Variants in ZBTB4 observed in about 807,000 individuals in gnomAD.
The protein encoded by ZBTB4 is zinc finger and BTB domain containing 4.
ZBTB4 carries 14 observed loss-of-function variants against 59.8 expected under a neutral mutation model. That is an observed-to-expected ratio of 0.23 (90% confidence interval 0.15 to 0.37). ZBTB4 has a LOEUF of 0.37. ZBTB4 is among the 10% of genes least tolerant of loss of function. The pLI, the probability that ZBTB4 is intolerant of heterozygous loss-of-function variation, is 1.00. For synonymous variants in ZBTB4, 587 were observed against 575.2 expected, an observed-to-expected ratio of 1.02 and a Z score of -0.29; for missense variants, 1,198 against 1,380.8, an observed-to-expected ratio of 0.87 and a Z score of 2.10.
Position 7,459,756 on chromosome 17 carries a change from T to G in ZBTB4, c.*2184A>C, listed in dbSNP as rs923548020. On this transcript the variant is annotated 3_prime_UTR_variant, in exon 4 of 4. Coordinates refer to ENST00000380599, the MANE Select transcript of ZBTB4 (RefSeq NM_001128833.2). ...GAACCACCACATTCTGGAAGCTATTTTCCTTGATCATATTTAAGAAAAAAA... is the reference window on the plus strand; with the variant it reads ...GAACCACCACATTCTGGAAGCTATTGTCCTTGATCATATTTAAGAAAAAAA... 1.3e-5 allele frequency: 2 copies of G among 152,586 alleles called. No homozygotes were observed. The highest frequency in any genetic ancestry group is 4.8e-5 in the African/African-American group (2 of 41,418). The allele number at this position is 152,586 out of a possible 1,614,324, so 9.5% of individuals were successfully genotyped here. A position where few individuals can be genotyped will look rare whatever the true frequency, so the allele number is the denominator to read the frequency against.
chr17:7,468,344 G>A (rs1235269097), intron 1 of ZBTB4, among the ~76,000 whole-genome samples: 1 of 152,024 alleles, frequency 6.6e-6, no homozygotes, highest in Non-Finnish European at 1.5e-5. Flanking sequence ...CTGCACTCCA[G>A]CCTGGGCAAC....
rs1205151715 is a variant in ZBTB4, at chr17:7,461,819, C to A, written c.*121G>T. 4 of 870,416 alleles carry A rather than the reference C, an allele frequency of 4.6e-6. No individual in the cohort carries two copies. Among genetic ancestry groups the A allele is most frequent in the Middle Eastern group, 3.2e-4 (1 of 3,108 alleles). 53.9% of individuals were successfully genotyped at this position (870,416 alleles called of 1,614,324 possible). ...AGCCTGACCCCTGAGCTCCAGGGGC[C>A]CCCAAGTCCCTGCACAAGAGTGTGA... On this transcript the variant is annotated 3_prime_UTR_variant, in exon 4 of 4. Coordinates refer to ENST00000380599, the MANE Select transcript of ZBTB4 (RefSeq NM_001128833.2).
chr17:7,478,749 C>T (rs2070303046), intron 1 of ZBTB4, among the ~76,000 whole-genome samples: 1 of 152,224 alleles, frequency 6.6e-6, no homozygotes, highest in Admixed American at 6.5e-5. Context: ...CATCTGTCAC[C>T]CAAAGCCACA....
intron 1 of ZBTB4, among the ~76,000 whole-genome samples, chr17:7,470,231 C>G (rs2070181476): frequency 6.6e-6 from 1 of 151,860 alleles, no homozygotes; most frequent in Non-Finnish European, 1.5e-5. Context: ...AACCTGGTCT[C>G]TACAAAAAAT....
chr17:7,481,283 T>C, upstream of ZBTB4: 1 of 470,272 alleles, frequency 2.1e-6, no homozygotes, highest in Non-Finnish European at 3.3e-6. Flanking sequence ...TGAGATGAGA[T>C]CACACCATTG....
rs922988655 is a variant in ZBTB4, at chr17:7,466,703, G to A, written c.99C>T (p.Thr33=). The change falls in exon 3 of 4, where the codon ACC becomes ACT. Residue 33 remains threonine (T), a synonymous_variant. Transcript: ENST00000380599. This position sits in a 1 kb window ranked among gnomAD's most constrained non-coding sequence, Gnocchi z 9.1. Reference sequence around the variant, plus strand: ...GGAACTTGGTGTCTCCGGCTATGAGGGTGACGTCACAGAAGAGGCCACGGA... The same window carrying A: ...GGAACTTGGTGTCTCCGGCTATGAGAGTGACGTCACAGAAGAGGCCACGGA... ...QRLRGLFCDV[T]LIAGDTKFPA... The A allele has an allele frequency of 1.2e-6, 2 of 1,608,940 alleles. No homozygotes were observed. The highest frequency in any genetic ancestry group is 1.3e-5 in the African/African-American group (1 of 74,978).
intron 1 of ZBTB4, among the ~76,000 whole-genome samples, chr17:7,478,291 C>T (rs1290411285): frequency 6.6e-6 from 1 of 152,168 alleles, no homozygotes; most frequent in Non-Finnish European, 1.5e-5. Flanking sequence ...ACACAACTGG[C>T]GCATTCCACC....
At chr17:7,475,908 A>G (rs1047257411) in intron 1 of ZBTB4, among the ~76,000 whole-genome samples, 1 of 152,190 alleles carries the variant, frequency 6.6e-6, no homozygotes, top group African/African-American at 2.4e-5. Flanking sequence ...GAAGAGGCCT[A>G]TGGCCCGCCA....
At position 7,463,902 on chromosome 17, in the gene ZBTB4, C is replaced by A. The variant is rs748909345; in HGVS notation, c.1092-12G>T. ...AGATGCACTGGTACCTGGGTCAGGA[C>A]AGCAGGGAATAGGGCAGGAACACAG... On this transcript the variant is annotated splice_polypyrimidine_tract_variant and intron_variant, in intron 3 of 3. Transcript: ENST00000380599. 1 of 1,608,476 alleles carries A rather than the reference C, an allele frequency of 6.2e-7. No homozygotes were observed. Among genetic ancestry groups the A allele is most frequent in the South Asian group, 1.1e-5 (1 of 90,358 alleles).
rs753390026 is a variant in ZBTB4, at chr17:7,465,847, C to T, written c.955G>A (p.Val319Met). ...YVCAACERSYVTLSSLKRHSN... is the reference protein window; with the variant it reads ...YVCAACERSYMTLSSLKRHSN... ...TGTCTCTTCAGACTGGACAGGGTCA[C>T]GTAGGAACGCTCGCAGGCCGCGCAC... Residue 319 changes from valine (V) to methionine (M), a missense_variant, in exon 3 of 4, where the codon GTG becomes ATG. By Grantham distance (21) the Val-to-Met change is conservative. Transcript: ENST00000380599. 5 of 1,614,202 alleles carry T rather than the reference C, an allele frequency of 3.1e-6. No homozygotes were observed. Among genetic ancestry groups the T allele is most frequent in the East Asian group, 2.2e-5 (1 of 44,882 alleles).
rs577987066 is a variant in ZBTB4, at chr17:7,460,200, C to G, written c.*1740G>C. The G allele has an allele frequency of 6.6e-6, 1 of 152,472 alleles. No homozygotes were observed. Among genetic ancestry groups the G allele is most frequent in the Non-Finnish European group, 1.5e-5 (1 of 68,016 alleles). The allele number at this position is 152,472 out of a possible 1,614,324, so 9.4% of individuals were successfully genotyped here. On this transcript the variant is annotated 3_prime_UTR_variant, in exon 4 of 4. Coordinates refer to ENST00000380599, the MANE Select transcript of ZBTB4 (RefSeq NM_001128833.2). Reference sequence around the variant, plus strand: ...TACATTCAGTAGGAAATTCGTCACTCAGGCTGTGGCCAAGACCAAGAAAAG... The same window carrying G: ...TACATTCAGTAGGAAATTCGTCACTGAGGCTGTGGCCAAGACCAAGAAAAG...
At chr17:7,483,075 G>T (rs1021770918), upstream of ZBTB4, 17 of 1,596,430 alleles carry the variant, frequency 1.1e-5, no homozygotes, top group Non-Finnish European at 1.5e-5. Context: ...AAACATGGGA[G>T]GAGAAGTGAC....
In ZBTB4 at chr17:7,465,889, C is replaced by A; in HGVS notation, c.913G>T (p.Gly305Cys). Residue 305 changes from glycine (G) to cysteine (C), a missense_variant, in exon 3 of 4, where the codon GGC becomes TGC. Physicochemically the swap from Gly to Cys is radical, Grantham distance 159 (BLOSUM62 -3). Transcript: ENST00000380599. ...GPEHVVKVVG[G>C]HVLYVCAACE... ...GCCGCGCACACATACAGCACGTGGC[C>A]GCCCACCACCTTCACCACGTGCTCG... 1 of 1,613,564 alleles carries A rather than the reference C, an allele frequency of 6.2e-7. No individual in the cohort carries two copies. The highest frequency in any genetic ancestry group is 8.5e-7 in the Non-Finnish European group (1 of 1,179,604).
At position 7,463,298 on chromosome 17, in the gene ZBTB4, G is replaced by C. The variant is rs1195159497; in HGVS notation, c.1684C>G (p.Pro562Ala). 8 of 1,610,404 alleles carry C rather than the reference G, an allele frequency of 5.0e-6. No individual in the cohort carries two copies. The highest frequency in any genetic ancestry group is 6.8e-6 in the Non-Finnish European group (8 of 1,178,706). The change falls in exon 4 of 4, where the codon CCA (proline) becomes GCA (alanine). Residue 562 changes from proline to alanine, a missense_variant. Physicochemically the swap from Pro to Ala is conservative, Grantham distance 27 (BLOSUM62 -1). Around this residue, in one of 9 missense-constraint regions of ZBTB4, gnomAD observed 550 missense variants for 541.8 expected, o/e 1.02. Transcript: ENST00000380599. ...TAAGTCAGAGTCCTTCCAGCCCGTG[G>C]ATTCCGGCCCTTGGCCTCCTCCGTG... The part of the protein sequence containing the change: ...TTTEEAKGRN[P>A]RAGRTLTYTA...
chr17:7,472,254 G>A (rs900728856), intron 1 of ZBTB4, among the ~76,000 whole-genome samples: 1 of 151,266 alleles, frequency 6.6e-6, no homozygotes, highest in Non-Finnish European at 1.5e-5. Context: ...GCAGTGGTGC[G>A]ATCTGGGCTC....
At chr17:7,482,798 T>C (rs2070363639), upstream of ZBTB4, 1 of 1,611,928 alleles carries the variant, frequency 6.2e-7, no homozygotes, top group African/African-American at 1.3e-5. Context: ...ATGTGTGAGC[T>C]ATGCGGTCAC....
upstream of ZBTB4, chr17:7,482,752 G>A (rs749447143): frequency 6.2e-7 from 1 of 1,610,984 alleles, no homozygotes; most frequent in South Asian, 1.1e-5. Flanking sequence ...GGAGTTGTGT[G>A]GGGGCAGTGG....
chr17:7,482,820 C>G (rs1411759176), upstream of ZBTB4: 2 of 1,612,070 alleles, frequency 1.2e-6, no homozygotes, highest in Non-Finnish European at 1.7e-6. Context: ...AAGGCCCACC[C>G]TGCCCTGGTG....
upstream of ZBTB4, chr17:7,481,855 G>T (rs8065577): frequency 7.6e-7 from 1 of 1,311,968 alleles, no homozygotes; most frequent in South Asian, 1.5e-5. Context: ...TTCTAGCTCC[G>T]AAGAGTTCCT....
Sources: allele counts gnomAD v4.1 joint callset (sites outside exome capture counted in the v4.1 genomes callset), GRCh38; gene constraint gnomAD v4.1.1; regional missense constraint gnomAD v4.1.1; non-coding constraint Gnocchi (gnomAD v3.1); transcripts MANE v1.5; gene names NCBI Gene and HGNC (gene_info 2026-07-23, HGNC 2026-07-21).